Variants in ACOT1 observed in about 807,000 individuals in gnomAD.
The protein encoded by ACOT1 is acyl-CoA thioesterase 1.
Under a neutral mutation model 15.7 loss-of-function variants are expected in ACOT1, and 8 were observed. The observed-to-expected ratio is 0.51, with a 90% CI of 0.30 to 0.92. The LOEUF is 0.92. Ranked by LOEUF, ACOT1 falls within the 40% of genes least tolerant of loss-of-function variation. ACOT1 has a pLI of 0.06. For missense variants in ACOT1, 151 were observed against 539.4 expected (o/e 0.28, Z 7.13); for synonymous variants, 67 against 241.2 (o/e 0.28, Z 6.69).
the ACOT1 span, chr14:73,511,907 TA>T: frequency 6.8e-7 from 1 of 1,463,406 alleles, no homozygotes; most frequent in Non-Finnish European, 9.5e-7. Context: ...TCCACATTTG[TA>T]AAATGATCTC....
the ACOT1 span, chr14:73,493,015 T>TTTC: frequency 1.3e-6 from 2 of 1,572,460 alleles, no homozygotes; most frequent in African/African-American, 1.4e-5. Context: ...TTTTTTTTTT[T>TTTC]CCTTAAACTC....
At chr14:73,511,991 A>C in the ACOT1 span, 1 of 1,613,788 alleles carries the variant, frequency 6.2e-7, no homozygotes, top group African/African-American at 1.3e-5. Context: ...CAAGCAGTTC[A>C]GCTTTGGCTC....
the ACOT1 span, among the ~76,000 whole-genome samples, chr14:73,521,788 G>A: frequency 5.3e-5 from 8 of 152,144 alleles, no homozygotes; most frequent in Non-Finnish European, 1.0e-4. Flanking sequence ...ACCAAACCTC[G>A]GTGCTATGAG....
At chr14:73,540,778 C>T (rs2140313134) in intron 1 of ACOT1, among the ~76,000 whole-genome samples, 1 of 105,928 alleles carries the variant, frequency 9.4e-6, no homozygotes, top group Non-Finnish European at 2.0e-5. Flanking sequence ...GTGTCTCGCT[C>T]TTTCGCCCAG....
upstream of ACOT1, among the ~76,000 whole-genome samples, chr14:73,536,516 TAAAAA>T (rs543491523): frequency 9.9e-4 from 59 of 59,336 alleles, 13 homozygotes; most frequent in South Asian, 9.3e-3. Flanking sequence ...CCTGTCTCTT[TAAAAA>T]AAAAAAAAAA....
chr14:73,528,923 G>T, the ACOT1 span: 2 of 152,156 alleles, frequency 1.3e-5, no homozygotes, highest in Non-Finnish European at 2.9e-5. Context: ...TATTAATGGA[G>T]TTTGGAGGCT....
chr14:73,534,828 G>A (rs1200216400), upstream of ACOT1, among the ~76,000 whole-genome samples: 2 of 103,336 alleles, frequency 1.9e-5, no homozygotes, highest in African/African-American at 6.3e-5. Context: ...TTTTTTAAGG[G>A]ATGAGGTCTT....
the ACOT1 span, chr14:73,508,367 TA>T: frequency 8.2e-6 from 11 of 1,337,938 alleles, no homozygotes; most frequent in Non-Finnish European, 1.2e-5. Context: ...TTTGGATTGA[TA>T]CCCAAGGCTG....
chr14:73,533,944 T>C (rs1311407718), upstream of ACOT1, among the ~76,000 whole-genome samples: 1 of 105,832 alleles, frequency 9.4e-6, no homozygotes, highest in Admixed American at 1.1e-4. Flanking sequence ...CCCAGCACTT[T>C]GGGAAGATGA....
chr14:73,494,916 C>G, the ACOT1 span, among the ~76,000 whole-genome samples: 1 of 152,110 alleles, frequency 6.6e-6, no homozygotes, highest in East Asian at 1.9e-4. Flanking sequence ...AGTGCTTAGT[C>G]AAACATACAT....
the ACOT1 span, among the ~76,000 whole-genome samples, chr14:73,526,204 G>T: frequency 4.6e-5 from 7 of 152,276 alleles, no homozygotes; most frequent in African/African-American, 1.7e-4. Context: ...GCACTACACT[G>T]AGCAGAATTC....
the ACOT1 span, chr14:73,512,022 G>A: frequency 6.2e-7 from 1 of 1,613,974 alleles, no homozygotes; most frequent in Non-Finnish European, 8.5e-7. Flanking sequence ...CTCTCTGGCT[G>A]GTGGCAATCC....
At chr14:73,509,321 G>A in the ACOT1 span, 2 of 1,614,090 alleles carry the variant, frequency 1.2e-6, no homozygotes, top group Non-Finnish European at 1.7e-6. Flanking sequence ...CCCTTCAGAA[G>A]GGCAGTCTGC....
the ACOT1 span, chr14:73,500,598 C>T: frequency 2.4e-5 from 38 of 1,613,912 alleles, no homozygotes; most frequent in Non-Finnish European, 3.2e-5. Context: ...AGGCTGCCCG[C>T]CGAACTGCTG....
At chr14:73,506,811 T>TTTTTTTTG in the ACOT1 span, among the ~76,000 whole-genome samples, 7 of 130,564 alleles carry the variant, frequency 5.4e-5, no homozygotes, top group Non-Finnish European at 7.7e-5. Context: ...ACTGTTTTTT[T>TTTTTTTTG]TTTTTTTTTT....
At chr14:73,500,535 G>A in the ACOT1 span, 55 of 1,609,790 alleles carry the variant, frequency 3.4e-5, no homozygotes, top group South Asian at 5.1e-4. Context: ...ATGAGAATAT[G>A]TTTCCCTGAC....
the ACOT1 span, among the ~76,000 whole-genome samples, chr14:73,495,695 G>A: frequency 1.3e-5 from 2 of 152,164 alleles, no homozygotes; most frequent in Non-Finnish European, 2.9e-5. Context: ...ATACCTGTTC[G>A]TGAAAATTTT....
At chr14:73,527,703 C>A in the ACOT1 span, among the ~76,000 whole-genome samples, 1 of 152,118 alleles carries the variant, frequency 6.6e-6, no homozygotes, top group Admixed American at 6.6e-5. Flanking sequence ...CAGGGCCAGG[C>A]AGGATGGCTC....
At chr14:73,536,720 A>G (rs567518866), upstream of ACOT1, among the ~76,000 whole-genome samples, 27 of 113,248 alleles carry the variant, frequency 2.4e-4, 7 homozygotes, top group African/African-American at 7.8e-4. Flanking sequence ...TCATTTGGCT[A>G]TTTTTACACC....
Sources: allele counts gnomAD v4.1 joint callset (sites outside exome capture counted in the v4.1 genomes callset), GRCh38; gene constraint gnomAD v4.1.1; transcripts MANE v1.5; gene names NCBI Gene and HGNC (gene_info 2026-07-23, HGNC 2026-07-21).